Variants in DOCK2 observed in about 807,000 individuals in gnomAD.
DOCK2 encodes the protein dedicator of cytokinesis protein 2.
A neutral mutation model predicts 248.9 loss-of-function variants in DOCK2; 87 were observed. The observed-to-expected ratio is 0.35, with a 90% CI of 0.29 to 0.42. DOCK2 has a LOEUF of 0.42. Ranked by LOEUF, DOCK2 falls within the 10% of genes least tolerant of loss-of-function variation. The probability of loss-of-function intolerance (pLI) is 1.00; values close to 1 mark genes in which losing one functional copy is unlikely to be tolerated. For synonymous variants in DOCK2, 805 were observed against 821.6 expected, an observed-to-expected ratio of 0.98 and a Z score of 0.35; for missense variants, 1,747 against 2,300.2, an observed-to-expected ratio of 0.76 and a Z score of 4.92.
chr5:169,727,474 A>G (rs1357795273), intron 22 of DOCK2, among the ~76,000 whole-genome samples: 6 of 152,122 alleles, frequency 3.9e-5, no homozygotes, highest in African/African-American at 1.4e-4. Flanking sequence ...GTGGTGGTGG[A>G]GGGGGGCCTG....
chr5:169,805,715 C>G (rs923167852), intron 26 of DOCK2, among the ~76,000 whole-genome samples: 1 of 152,226 alleles, frequency 6.6e-6, no homozygotes, highest in African/African-American at 2.4e-5. Flanking sequence ...ACATCAGACA[C>G]TGGTGAGAAG....
At chr5:169,979,713 T>C (rs1044592105) in intron 27 of DOCK2, among the ~76,000 whole-genome samples, 3 of 152,218 alleles carry the variant, frequency 2.0e-5, no homozygotes, top group Admixed American at 6.5e-5. Context: ...TTCAGTCACA[T>C]TGCACTACAA....
chr5:169,715,609 A>T (rs440122), intron 19 of DOCK2, among the ~76,000 whole-genome samples: 23,620 of 145,578 alleles, frequency 0.16, 2,438 homozygotes, highest in African/African-American at 0.32. Flanking sequence ...TTTTTTTTTT[A>T]AAAAAGTTTG....
At chr5:169,838,890 T>A (rs1443849294) in intron 26 of DOCK2, among the ~76,000 whole-genome samples, 1 of 152,150 alleles carries the variant, frequency 6.6e-6, no homozygotes, top group East Asian at 1.9e-4. Flanking sequence ...CCACTGAAAG[T>A]CATTGGGGCA....
At chr5:169,908,086 C>A (rs1774394781) in intron 27 of DOCK2, among the ~76,000 whole-genome samples, 1 of 152,182 alleles carries the variant, frequency 6.6e-6, no homozygotes, top group South Asian at 2.1e-4. Flanking sequence ...TTTCATTGAA[C>A]AACAGAGCAA....
At position 169,674,196 on chromosome 5, in the gene DOCK2, C is replaced by A. The variant is rs1157664026; in HGVS notation, c.322-101C>A. ...GTAGGGCAGGGAGAGAGCCTCAGGC[C>A]ATGGCCCTTGACCACACTCACCTGA... On this transcript the variant is annotated intron_variant, in intron 5 of 51. Coordinates refer to ENST00000520908, the MANE Select transcript of DOCK2 (RefSeq NM_004946.3). 7 of 1,447,504 alleles carry A rather than the reference C, an allele frequency of 4.8e-6. No individual in the cohort carries two copies. The African/African-American group carries it at 5.7e-5, about 12-fold the overall frequency. 89.7% of individuals were successfully genotyped at this position (1,447,504 alleles called of 1,614,324 possible).
intron 35 of DOCK2, among the ~76,000 whole-genome samples, chr5:170,035,076 G>A (rs1182898637): frequency 1.3e-5 from 2 of 152,156 alleles, no homozygotes; most frequent in Non-Finnish European, 2.9e-5. Context: ...TAGAATTGCT[G>A]TTACTATGAA....
chr5:169,946,549 A>G lies in DOCK2; in HGVS notation c.2800-36519A>G, dbSNP rs1455052689. On this transcript the variant is annotated intron_variant, in intron 27 of 51. Transcript: ENST00000520908. ...ACTGCAAAGAACTGGGGGATCTGGC[A>G]TAGTCACTCATCCATTCATTCATTC... is the stretch of plus-strand genomic sequence containing the variant. Among the ~76,000 whole-genome samples, 11 of 152,314 alleles carry G rather than the reference A, an allele frequency of 7.2e-5. No homozygotes were observed. In the East Asian group the frequency reaches 7.7e-4, roughly 11 times the overall value.
intron 26 of DOCK2, among the ~76,000 whole-genome samples, chr5:169,832,484 C>G (rs1481781999): frequency 1.3e-5 from 2 of 152,214 alleles, no homozygotes; most frequent in African/African-American, 2.4e-5. Flanking sequence ...ACCCTGCCTC[C>G]CCTTCGCTGA....
chr5:169,742,412 A>G (rs1054045944), intron 22 of DOCK2, among the ~76,000 whole-genome samples: 1 of 152,234 alleles, frequency 6.6e-6, no homozygotes, highest in South Asian at 2.1e-4. Flanking sequence ...TACCTTAGCC[A>G]AGGTCACCCA....
At chr5:169,722,567 G>T (rs1276287639) in intron 22 of DOCK2, among the ~76,000 whole-genome samples, 1 of 152,168 alleles carries the variant, frequency 6.6e-6, no homozygotes, top group East Asian at 1.9e-4. Flanking sequence ...AAGTACCTGG[G>T]TTAGTGATTG....
rs113281088 is a variant in DOCK2, at chr5:169,724,199, G to A, written c.2267+5408G>A. 2.4e-3 allele frequency among the ~76,000 whole-genome samples: 372 copies of A among 152,282 alleles called. 1 individual carries two copies. The highest frequency in any genetic ancestry group is 8.1e-3 in the African/African-American group (336 of 41,552). The stretch of plus-strand genomic sequence containing the variant: ...GGGGCTGACGTACTGAGTGACATTA[G>A]GGGCTGCTGAGAGGCACATGGCTCC... On this transcript the variant is annotated intron_variant, in intron 22 of 51. Coordinates refer to ENST00000520908, the MANE Select transcript of DOCK2 (RefSeq NM_004946.3).
intron 27 of DOCK2, chr5:169,883,618 T>C: frequency 6.4e-7 from 1 of 1,551,586 alleles, no homozygotes; most frequent in Non-Finnish European, 8.7e-7. Context: ...GATTGCAATG[T>C]TGCGAAAGCC....
chr5:169,890,087 C>A (rs1362107016), intron 27 of DOCK2, among the ~76,000 whole-genome samples: 3 of 152,220 alleles, frequency 2.0e-5, no homozygotes, highest in Non-Finnish European at 2.9e-5. Context: ...CAGAAGGACT[C>A]GATGACTTGT....
chr5:169,780,005 A>G (rs1435709375), intron 25 of DOCK2, among the ~76,000 whole-genome samples: 2 of 152,138 alleles, frequency 1.3e-5, no homozygotes, highest in African/African-American at 2.4e-5. Context: ...GCAGTAAGGC[A>G]CACCTTGCCA....
intron 25 of DOCK2, among the ~76,000 whole-genome samples, chr5:169,798,312 G>T (rs1341274316): frequency 1.7e-5 from 2 of 120,130 alleles, no homozygotes; most frequent in Non-Finnish European, 3.7e-5. Flanking sequence ...TCTTCCTTGT[G>T]CCTATCTATA....
At chr5:169,914,604 C>A (rs909490569) in intron 27 of DOCK2, among the ~76,000 whole-genome samples, 7 of 152,188 alleles carry the variant, frequency 4.6e-5, no homozygotes, top group African/African-American at 1.4e-4. Flanking sequence ...AAATTGAATT[C>A]ATTGGTAGCA....
rs372597205 is a variant in DOCK2, at chr5:169,763,725, C to T, written c.2554+2100C>T. ...TTAACTGACAGAAGGCCAGCCCTGG[C>T]GTTGTACACAGTTAAAAAAGAAAGC... On this transcript the variant is annotated intron_variant, in intron 25 of 51. Transcript: ENST00000520908. This position sits in a 1 kb window ranked among gnomAD's most constrained non-coding sequence, Gnocchi z 4.1. Among the ~76,000 whole-genome samples the T allele has an allele frequency of 4.6e-5, 7 of 152,278 alleles. No homozygotes were observed. In the East Asian group the frequency reaches 5.8e-4, roughly 13 times the overall value.
chr5:169,711,618 A>G (rs1279869298), intron 15 of DOCK2, among the ~76,000 whole-genome samples: 3 of 152,230 alleles, frequency 2.0e-5, no homozygotes, highest in Admixed American at 6.5e-5. Flanking sequence ...TTTGCAGTGC[A>G]TCAAATCCTG....
Sources: allele counts gnomAD v4.1 joint callset (sites outside exome capture counted in the v4.1 genomes callset), GRCh38; gene constraint gnomAD v4.1.1; non-coding constraint Gnocchi (gnomAD v3.1); transcripts MANE v1.5; gene names NCBI Gene and HGNC (gene_info 2026-07-23, HGNC 2026-07-21).